Variants in CDC42BPA observed in about 807,000 individuals in gnomAD.
CDC42BPA encodes the protein CDC42 binding protein kinase alpha.
In CDC42BPA, 80 loss-of-function variants were observed where a neutral mutation model predicts 223.5. That is an observed-to-expected ratio of 0.36 (90% CI 0.30 to 0.43). The LOEUF (loss-of-function observed/expected upper bound fraction) is 0.43, where lower values mean the gene tolerates loss of function less well. CDC42BPA is among the 20% of genes least tolerant of loss of function. The pLI, the probability that CDC42BPA is intolerant of heterozygous loss-of-function variation, is 1.00. For synonymous variants in CDC42BPA, 694 were observed against 718.6 expected, an observed-to-expected ratio of 0.97 and a Z score of 0.55; for missense variants, 1,743 against 2,099.9, an observed-to-expected ratio of 0.83 and a Z score of 3.32.
chr1:227,103,165 T>TA (rs1447312895), intron 14 of CDC42BPA, among the ~76,000 whole-genome samples: 3 of 152,118 alleles, frequency 2.0e-5, no homozygotes, highest in Non-Finnish European at 4.4e-5. Context: ...GTAAAATAGT[T>TA]AAAAAAATGA....
intron 3 of CDC42BPA, among the ~76,000 whole-genome samples, chr1:227,204,125 T>A (rs1244738080): frequency 6.6e-6 from 1 of 152,204 alleles, no homozygotes; most frequent in Non-Finnish European, 1.5e-5. Context: ...CTCTAATATT[T>A]GAGGGAAAGA....
At chr1:227,205,998 AG>A (rs1672658016) in intron 3 of CDC42BPA, among the ~76,000 whole-genome samples, 5 of 152,190 alleles carry the variant, frequency 3.3e-5, no homozygotes. Flanking sequence ...CAGTGAGCCA[AG>A]ATCCTAACAC....
chr1:227,202,272 A>G (rs958554724), intron 3 of CDC42BPA, among the ~76,000 whole-genome samples: 3 of 152,156 alleles, frequency 2.0e-5, no homozygotes, highest in East Asian at 3.9e-4. Context: ...GTGAGCCACC[A>G]CACCCGGCCG....
At chr1:227,050,238 G>A (rs994086118) in intron 22 of CDC42BPA, among the ~76,000 whole-genome samples, 1 of 152,192 alleles carries the variant, frequency 6.6e-6, no homozygotes, top group Middle Eastern at 3.4e-3. Flanking sequence ...AAAAGATGCT[G>A]AATAACACTA....
Position 227,163,166 on chromosome 1 carries a change from A to ATATGTTTCCAAACATATGTGTG in CDC42BPA, c.600-2552_600-2531dup, listed in dbSNP as rs1558650850. On this transcript the variant is annotated intron_variant, in intron 5 of 36. Transcript: ENST00000366766. Reference sequence around the variant, plus strand: ...TATGTTTCCAAACATATATGTGTGTATATGTTTCCAAACATATGTGTGTAT... The same window carrying ATATGTTTCCAAACATATGTGTG: ...TATGTTTCCAAACATATATGTGTGTATATGTTTCCAAACATATGTGTGTATGTTTCCAAACATATGTGTGTAT... Among the ~76,000 whole-genome samples the ATATGTTTCCAAACATATGTGTG allele has an allele frequency of 1.7e-3, 257 of 148,548 alleles. 4 individuals are homozygous for ATATGTTTCCAAACATATGTGTG. The highest frequency in any genetic ancestry group is 6.3e-3 in the African/African-American group (243 of 38,746).
In CDC42BPA at chr1:227,087,613, T is replaced by G. The variant is rs1341401023; in HGVS notation, c.2355+4273A>C. 3.9e-5 allele frequency among the ~76,000 whole-genome samples: 6 copies of G among 152,290 alleles called. No homozygotes were observed. The South Asian group carries it at 1.2e-3, about 32-fold the overall frequency. ...ATGTCCCAAAACCTATAGATCAATTTGGGGAGAATTGCTATCCCAACAATA... is the reference window on the plus strand; with the variant it reads ...ATGTCCCAAAACCTATAGATCAATTGGGGGAGAATTGCTATCCCAACAATA... On this transcript the variant is annotated intron_variant, in intron 16 of 36. Transcript: ENST00000366766.
intron 21 of CDC42BPA, among the ~76,000 whole-genome samples, chr1:227,058,533 T>C (rs1675073394): frequency 1.3e-5 from 2 of 152,318 alleles, no homozygotes; most frequent in South Asian, 4.2e-4. Flanking sequence ...TTACATAGTA[T>C]ATGAAAATCC....
chr1:227,285,718 A>T (rs941240908), intron 1 of CDC42BPA, among the ~76,000 whole-genome samples: 1 of 152,208 alleles, frequency 6.6e-6, no homozygotes, highest in Admixed American at 6.5e-5. Flanking sequence ...AAATCCACAA[A>T]ATCTCCACCT....
chr1:227,105,971 C>A (rs568277011), intron 14 of CDC42BPA, among the ~76,000 whole-genome samples: 1 of 152,264 alleles, frequency 6.6e-6, no homozygotes, highest in African/African-American at 2.4e-5. Flanking sequence ...AGTGGAATGG[C>A]TGGATCATGT....
intron 6 of CDC42BPA, among the ~76,000 whole-genome samples, chr1:227,157,478 T>A (rs192391360): frequency 3.9e-4 from 60 of 152,336 alleles, no homozygotes; most frequent in African/African-American, 1.4e-3. Context: ...TTCTCCTCTG[T>A]ACGTAATATG....
At chr1:227,189,227 C>A (rs1020257902) in intron 5 of CDC42BPA, among the ~76,000 whole-genome samples, 3 of 152,014 alleles carry the variant, frequency 2.0e-5, no homozygotes, top group Non-Finnish European at 4.4e-5. Flanking sequence ...TATACCCCTG[C>A]ATTTCTTAAA....
At chr1:227,103,930 AC>A (rs1285756894) in intron 14 of CDC42BPA, among the ~76,000 whole-genome samples, 5 of 152,156 alleles carry the variant, frequency 3.3e-5, no homozygotes, top group Non-Finnish European at 5.9e-5. Context: ...CAGAAGAAAC[AC>A]TGAGAAAAAC....
chr1:227,256,518 A>G (rs1246817309), intron 1 of CDC42BPA, among the ~76,000 whole-genome samples: 1 of 152,154 alleles, frequency 6.6e-6, no homozygotes, highest in Non-Finnish European at 1.5e-5. Context: ...AAAAATGGCC[A>G]AAACACATAT....
At chr1:227,073,195 G>A (rs184787350) in intron 19 of CDC42BPA, among the ~76,000 whole-genome samples, 2 of 152,210 alleles carry the variant, frequency 1.3e-5, no homozygotes, top group Non-Finnish European at 2.9e-5. Flanking sequence ...CACTTGTGAT[G>A]TGAAGTTTCT....
intron 1 of CDC42BPA, among the ~76,000 whole-genome samples, chr1:227,315,342 A>C (rs978445848): frequency 6.6e-6 from 1 of 152,036 alleles, no homozygotes; most frequent in Non-Finnish European, 1.5e-5. Context: ...GAAATATCTC[A>C]TAACATAAAA....
intron 5 of CDC42BPA, among the ~76,000 whole-genome samples, chr1:227,188,064 A>C (rs1219504845): frequency 3.9e-5 from 6 of 152,160 alleles, no homozygotes; most frequent in Admixed American, 3.9e-4. Context: ...GAACTATGTA[A>C]AGAGAGGAAC....
chr1:227,119,037 G>GAGGACTTC (rs1688212007), intron 12 of CDC42BPA, among the ~76,000 whole-genome samples: 2 of 151,986 alleles, frequency 1.3e-5, no homozygotes, highest in South Asian at 4.2e-4. Context: ...TCTTCCCCAG[G>GAGGACTTC]AGGACTTCAT....
chr1:227,119,185 C>T (rs1475997314), intron 12 of CDC42BPA, among the ~76,000 whole-genome samples: 3 of 152,038 alleles, frequency 2.0e-5, no homozygotes, highest in Non-Finnish European at 2.9e-5. Context: ...ATGAAAGTCA[C>T]GGTGCTTAGC....
intron 32 of CDC42BPA, among the ~76,000 whole-genome samples, chr1:227,021,207 C>CA (rs1667308461): frequency 6.6e-6 from 1 of 152,060 alleles, no homozygotes; most frequent in African/African-American, 2.4e-5. Flanking sequence ...GACATGAAGT[C>CA]AACACGCGCT....
Sources: gnomAD v4.1 joint callset for allele counts (sites outside exome capture counted in the v4.1 genomes callset) on GRCh38, gnomAD v4.1.1 for gene constraint, MANE v1.5 for transcripts, NCBI Gene and HGNC (gene_info 2026-07-23, HGNC 2026-07-21) for gene names.